The following RPRD2 variants were observed in gnomAD, a reference collection of about 807,000 sequenced individuals.
The protein encoded by RPRD2 is regulation of nuclear pre-mRNA domain-containing protein 2.
RPRD2 carries 12 observed loss-of-function variants against 104.4 expected under a neutral mutation model. That is an observed-to-expected ratio of 0.11 (90% CI 0.07 to 0.19). The LOEUF is 0.19. Among genes scored for constraint, RPRD2 ranks in the 10% least tolerant of loss-of-function variants. The pLI is 1.00. For missense variants in RPRD2, 1,543 were observed against 1,790.1 expected, an observed-to-expected ratio of 0.86 and a Z score of 2.49; for synonymous variants, 714 against 684.9, an observed-to-expected ratio of 1.04 and a Z score of -0.66.
At chr1:150,369,841 C>A (rs376160321) in intron 1 of RPRD2, among the ~76,000 whole-genome samples, 1 of 151,408 alleles carries the variant, frequency 6.6e-6, no homozygotes, top group Admixed American at 6.6e-5. Flanking sequence ...AGTACAGTGG[C>A]GGAATCTCGG....
chr1:150,409,647 C>CTTTTTTTTTTTTTTTTTTTTTTTTTTTTT (rs10684353), intron 1 of RPRD2, among the ~76,000 whole-genome samples: 1 of 114,612 alleles, frequency 8.7e-6, no homozygotes, highest in Non-Finnish European at 1.7e-5. Context: ...TGTTGCAATT[C>CTTTTTTTTTTTTTTTTTTTTTTTTTTTTT]TTTTTTTTTT....
At chr1:150,431,991 A>C (rs368754587) in intron 2 of RPRD2, among the ~76,000 whole-genome samples, 1 of 152,172 alleles carries the variant, frequency 6.6e-6, no homozygotes, top group East Asian at 1.9e-4. Context: ...GATATAGTAT[A>C]CCAATTTGGG....
At chr1:150,381,024 A>T (rs1026241405) in intron 1 of RPRD2, among the ~76,000 whole-genome samples, 1 of 152,130 alleles carries the variant, frequency 6.6e-6, no homozygotes, top group African/African-American at 2.4e-5. Flanking sequence ...ATTGAGACAC[A>T]TGGCCCCCCT....
intron 7 of RPRD2, among the ~76,000 whole-genome samples, chr1:150,456,779 G>T (rs1667558939): frequency 6.6e-6 from 1 of 151,620 alleles, no homozygotes; most frequent in Non-Finnish European, 1.5e-5. Flanking sequence ...TCAAAAATTA[G>T]CCGGGTGTGG....
At chr1:150,453,647 C>T (rs72696901) in intron 7 of RPRD2, among the ~76,000 whole-genome samples, 13,635 of 152,122 alleles carry the variant, frequency 0.09, 719 homozygotes, top group Non-Finnish European at 0.12. Context: ...TCACCTGTTA[C>T]GGGTATGTTA....
At chr1:150,414,359 G>A (rs977015892) in intron 1 of RPRD2, among the ~76,000 whole-genome samples, 1 of 152,186 alleles carries the variant, frequency 6.6e-6, no homozygotes, top group Non-Finnish European at 1.5e-5. Context: ...ACATAGAGAA[G>A]AGTTAAGTAA....
chr1:150,446,844 T>TTTTG (rs1666809187), intron 7 of RPRD2, among the ~76,000 whole-genome samples: 2 of 151,054 alleles, frequency 1.3e-5, no homozygotes, highest in African/African-American at 4.9e-5. Flanking sequence ...TTTTTTTTTT[T>TTTTG]TTTTTTGGAA....
intron 1 of RPRD2, among the ~76,000 whole-genome samples, chr1:150,376,123 A>T (rs1009762108): frequency 6.6e-6 from 1 of 152,214 alleles, no homozygotes; most frequent in Non-Finnish European, 1.5e-5. Flanking sequence ...CTTCATTCTT[A>T]TTCTCTTGTT....
At chr1:150,459,888 T>C (rs1570783453) in intron 8 of RPRD2, among the ~76,000 whole-genome samples, 172 bp from the exon 9 acceptor site, 1 of 151,970 alleles carries the variant, frequency 6.6e-6, no homozygotes, top group East Asian at 1.9e-4. Flanking sequence ...GTGGGAATTA[T>C]CATAAATTAT....
At chr1:150,443,176 G>C in intron 4 of RPRD2, 55 bp from the exon 5 acceptor site, 1 of 1,384,992 alleles carries the variant, frequency 7.2e-7, no homozygotes, top group Non-Finnish European at 1.0e-6. Flanking sequence ...AATTTTTCCT[G>C]TTAGTCAACT....
rs1394889593 is a variant in RPRD2 at position 150,364,466 on chromosome 1, T to G, written c.-249T>G. ...ACTGACTGGTTTAAACACGACCCCT[T>G]GAACAATATTGATAAAACCTCCGAG... is the stretch of plus-strand genomic sequence containing the variant. On this transcript the variant is annotated 5_prime_UTR_variant, in exon 1 of 11. Coordinates refer to ENST00000369068, the MANE Select transcript of RPRD2 (RefSeq NM_015203.5). Among the ~76,000 whole-genome samples, 2 of 151,848 alleles carry G rather than the reference T, an allele frequency of 1.3e-5. No individual in the cohort carries two copies. The highest frequency in any genetic ancestry group is 6.6e-5 in the Admixed American group (1 of 15,242).
chr1:150,403,114 C>CT (rs1256227548), intron 1 of RPRD2, among the ~76,000 whole-genome samples: 1 of 152,168 alleles, frequency 6.6e-6, no homozygotes, highest in Non-Finnish European at 1.5e-5. Context: ...ATGTACCAAC[C>CT]TAAGTATATG....
At chr1:150,395,313 G>A (rs1553883964) in intron 1 of RPRD2, among the ~76,000 whole-genome samples, 1 of 151,376 alleles carries the variant, frequency 6.6e-6, no homozygotes, top group East Asian at 1.9e-4. Context: ...TCTCATCCAG[G>A]TCGCTGCTAA....
Position 150,440,928 on chromosome 1 carries a change from C to G in RPRD2, c.341C>G (p.Pro114Arg). ...TACTTTTTCTTTGTTTTCAGGGATC[C>G]ATCTGTCTCTAAGTCTGTAGAACGA... ...LPEAAALVKD[P>R]SVSKSVERIF... The change falls in exon 3 of 11, where the codon CCA (proline) becomes CGA (arginine). Residue 114 changes from proline (P) to arginine (R), a missense_variant. By Grantham distance (103) the Pro-to-Arg change is moderately radical. Coordinates refer to ENST00000369068, the MANE Select transcript of RPRD2 (RefSeq NM_015203.5). 6.6e-7 allele frequency: 1 copy of G among 1,518,438 alleles called. No individual in the cohort carries two copies. Among genetic ancestry groups the G allele is most frequent in the Non-Finnish European group, 9.0e-7 (1 of 1,112,494 alleles). 94.1% of individuals were successfully genotyped at this position (1,518,438 alleles called of 1,614,324 possible).
At chr1:150,434,782 A>T (rs1228622269) in intron 2 of RPRD2, among the ~76,000 whole-genome samples, 2 of 152,176 alleles carry the variant, frequency 1.3e-5, no homozygotes, top group Non-Finnish European at 2.9e-5. Context: ...ACGCCACTGC[A>T]CTCCAGTCTG....
intron 1 of RPRD2, among the ~76,000 whole-genome samples, chr1:150,411,331 C>A (rs1257400103): frequency 6.7e-6 from 1 of 149,032 alleles, no homozygotes; most frequent in Admixed American, 6.7e-5. Flanking sequence ...CGTGCTGATG[C>A]GCACCCGTAG....
At chr1:150,370,249 A>G (rs2102078755) in intron 1 of RPRD2, among the ~76,000 whole-genome samples, 1 of 152,268 alleles carries the variant, frequency 6.6e-6, no homozygotes, top group Admixed American at 6.5e-5. Flanking sequence ...GGGAATCAAT[A>G]TGGAAAAATA....
Position 150,426,353 on chromosome 1 carries a change from G to A in RPRD2, c.335+8628G>A, listed in dbSNP as rs961402260. 1.5e-4 allele frequency among the ~76,000 whole-genome samples: 23 copies of A among 152,072 alleles called. 1 individual carries two copies. The highest frequency in any genetic ancestry group is 1.3e-3 in the Admixed American group (20 of 15,260). On this transcript the variant is annotated intron_variant, in intron 2 of 10. Coordinates refer to ENST00000369068, the MANE Select transcript of RPRD2 (RefSeq NM_015203.5). ...GGAGTCAAACTTGCAAGGTTGCCTG[G>A]GTTTAAATCCTGGATCTCTTACTTG...
At chr1:150,391,885 G>A (rs1484719106) in intron 1 of RPRD2, among the ~76,000 whole-genome samples, 1 of 151,976 alleles carries the variant, frequency 6.6e-6, no homozygotes, top group East Asian at 1.9e-4. Context: ...TCCAGCCTGG[G>A]CAACAGAATG....
Sources: gnomAD v4.1 joint callset for allele counts (sites outside exome capture counted in the v4.1 genomes callset) on GRCh38, gnomAD v4.1.1 for gene constraint, MANE v1.5 for transcripts, NCBI Gene and HGNC (gene_info 2026-07-23, HGNC 2026-07-21) for gene names.